The following CD68 variants were observed in gnomAD, a reference collection of about 807,000 sequenced individuals.
CD68 encodes the protein CD68 molecule, also known as macrosialin.
A neutral mutation model predicts 31.3 loss-of-function variants in CD68; 24 were observed. That is an observed-to-expected ratio of 0.77 (90% CI 0.55 to 1.08). The LOEUF is 1.08. Ranked by LOEUF, CD68 falls within the 50% of genes least tolerant of loss-of-function variation. The pLI, the probability that CD68 is intolerant of heterozygous loss-of-function variation, is 0.00. For missense variants in CD68, 461 were observed against 442.5 expected (o/e 1.04, Z -0.38); for synonymous variants, 190 against 179.6 (o/e 1.06, Z -0.46).
Position 7,580,623 on chromosome 17 carries a change from TC to T in CD68, c.687+41del. On this transcript the variant is annotated intron_variant, in intron 3 of 5. Transcript: ENST00000250092. This position sits in a 1 kb window ranked among gnomAD's most constrained non-coding sequence, Gnocchi z 4.3. Reference sequence around the variant, plus strand: ...CCTCAGTCTCACCCCTCACTCAGCCTCCCGGCGCCCCTCCCCTCCCAATCCC... The same window carrying T: ...CCTCAGTCTCACCCCTCACTCAGCCTCCGGCGCCCCTCCCCTCCCAATCCC... 6.2e-7 allele frequency: 1 copy of T among 1,613,610 alleles called. No individual in the cohort carries two copies.
rs2071468432 is a variant in CD68, at chr17:7,580,390, AGAAG to A, written c.567+68_568-68del. On this transcript the variant is annotated intron_variant, in intron 2 of 5. Transcript: ENST00000250092. This position sits in a 1 kb window ranked among gnomAD's most constrained non-coding sequence, Gnocchi z 4.3. ...AGGACTGGATATAGGCTCAGAGGGA[AGAAG>A]GAAGAGGGGACAGGGAACCTTGGCC... 1 of 1,609,832 alleles carries A rather than the reference AGAAG, an allele frequency of 6.2e-7. No individual in the cohort carries two copies. Among genetic ancestry groups the A allele is most frequent in the Non-Finnish European group, 8.5e-7 (1 of 1,177,058 alleles).
rs2071488484 is a variant in CD68, at chr17:7,581,783, G to A, written c.*272G>A. On this transcript the variant is annotated 3_prime_UTR_variant, in exon 6 of 6. Coordinates refer to ENST00000250092, the MANE Select transcript of CD68 (RefSeq NM_001251.3). ...CTAAAAATACAATTAGCCAGGTGTG[G>A]CGGCGTAATCCCAGCTGGCCTGTAA... is the stretch of plus-strand genomic sequence containing the variant. The A allele has an allele frequency of 2.7e-6, 1 of 373,400 alleles. No homozygotes were observed. The highest frequency in any genetic ancestry group is 5.1e-6 in the Non-Finnish European group (1 of 195,282). 23.1% of individuals were successfully genotyped at this position (373,400 alleles called of 1,614,324 possible).
intron 5 of CD68, 97 bp downstream of exon 5, chr17:7,581,163 C>A (rs1597856248): frequency 8.1e-7 from 1 of 1,241,998 alleles, no homozygotes; most frequent in East Asian, 2.3e-5. Flanking sequence ...TCTTAACCCC[C>A]CAAATCTCGC....
At position 7,580,073 on chromosome 17, in the gene CD68, T is replaced by A; in HGVS notation, c.313T>A (p.Ser105Thr). The A allele has an allele frequency of 1.9e-6, 3 of 1,613,334 alleles. No homozygotes were observed. The highest frequency in any genetic ancestry group is 2.5e-6 in the Non-Finnish European group (3 of 1,179,810). The change falls in exon 2 of 6, where the codon TCA becomes ACA. Residue 105 changes from serine to threonine, a missense_variant. Ser to Thr is a moderately conservative substitution (Grantham distance 58). Transcript: ENST00000250092. The surrounding 1 kb of genome is among the most constrained non-coding windows in gnomAD (Gnocchi z 4.3). ...TAGCACTGCCACCAGCCAGGGACCC[T>A]CAACTGCCACTCACAGTCCTGCCAC... ...SNSTATSQGP[S>T]TATHSPATTS...
chr17:7,580,026 T>G lies in CD68; in HGVS notation c.266T>G (p.Val89Gly). The stretch of plus-strand genomic sequence containing the variant: ...CCCACCACCACCAGCCATGGAAACG[T>G]CACAGTTCATCCAACAAGCAATAGC... Reference protein sequence around the residue: ...HNPTTTSHGNVTVHPTSNSTA... With the variant: ...HNPTTTSHGNGTVHPTSNSTA... The change falls in exon 2 of 6, where the codon GTC becomes GGC. Residue 89 changes from valine to glycine, a missense_variant. By Grantham distance (109) the Val-to-Gly change is moderately radical (BLOSUM62 -3). Transcript: ENST00000250092. This position sits in a 1 kb window ranked among gnomAD's most constrained non-coding sequence, Gnocchi z 4.3. The G allele has an allele frequency of 6.2e-7, 1 of 1,613,070 alleles. No individual in the cohort carries two copies. Among genetic ancestry groups the G allele is most frequent in the Non-Finnish European group, 8.5e-7 (1 of 1,179,694 alleles).
chr17:7,580,450 T>C lies in CD68; in HGVS notation c.568-16T>C. The C allele has an allele frequency of 6.2e-7, 1 of 1,613,830 alleles. No homozygotes were observed. The highest frequency in any genetic ancestry group is 1.3e-5 in the African/African-American group (1 of 74,968). ...CGCATGCAGTCTTGTGACCTTCCAG[T>C]CTTTAACTTCCGCAGGCCTGGGGCA... On this transcript the variant is annotated splice_polypyrimidine_tract_variant and intron_variant, in intron 2 of 5. Transcript: ENST00000250092. The surrounding 1 kb of genome is among the most constrained non-coding windows in gnomAD (Gnocchi z 4.3).
Position 7,580,181 on chromosome 17 carries a change from G to A in CD68, c.421G>A (p.Glu141Lys). 6.2e-7 allele frequency: 1 copy of A among 1,614,090 alleles called. No individual in the cohort carries two copies. The highest frequency in any genetic ancestry group is 8.5e-7 in the Non-Finnish European group (1 of 1,180,006). ...SPGFTSSAHP[E>K]PPPPSPSPSP... ...AGGATTCACCAGTTCTGCCCACCCA[G>A]AACCACCTCCACCCTCTCCGAGTCC... Residue 141 changes from glutamate (E) to lysine (K), a missense_variant, in exon 2 of 6, where the codon GAA becomes AAA. Transcript: ENST00000250092. The surrounding 1 kb of genome is among the most constrained non-coding windows in gnomAD (Gnocchi z 4.3).
Position 7,579,902 on chromosome 17 carries a change from A to G in CD68, c.142A>G (p.Thr48Ala). The change falls in exon 2 of 6, where the codon ACA becomes GCA. Residue 48 changes from threonine to alanine, a missense_variant. Physicochemically the swap from Thr to Ala is moderately conservative, Grantham distance 58 (BLOSUM62 0). Transcript: ENST00000250092. ...ACCCACGGTTACAGAGAGCACTGGA[A>G]CAACCAGCCACAGGACTACCAAGAG... is the stretch of plus-strand genomic sequence containing the variant. ...VTPTVTESTG[T>A]TSHRTTKSHK... 6.2e-7 allele frequency: 1 copy of G among 1,613,986 alleles called. No homozygotes were observed. Among genetic ancestry groups the G allele is most frequent in the Admixed American group, 1.7e-5 (1 of 59,998 alleles).
intron 5 of CD68, 68 bp downstream of exon 5, chr17:7,581,134 A>G (rs982018351): frequency 1.5e-5 from 21 of 1,400,844 alleles, no homozygotes; most frequent in Non-Finnish European, 1.8e-5. Context: ...CCCCAGGCCC[A>G]TAAGCCACTC....
rs773716363 is a variant in CD68 at position 7,581,405 on chromosome 17, T to A, written c.959T>A (p.Ile320Asn). The stretch of plus-strand genomic sequence containing the variant: ...TTCTCCTGCCCCAGTGACCGGTCCA[T>A]CTTGCTGCCTCTCATCATCGGCCTG... ...QSFSCPSDRS[I>N]LLPLIIGLIL... The change falls in exon 6 of 6, where the codon ATC becomes AAC. Residue 320 changes from isoleucine to asparagine, a missense_variant. By Grantham distance (149) the Ile-to-Asn change is moderately radical (BLOSUM62 -3). Transcript: ENST00000250092. The A allele has an allele frequency of 3.7e-6, 6 of 1,614,136 alleles. No individual in the cohort carries two copies. In the South Asian group the frequency reaches 6.6e-5, roughly 18 times the overall value.
In CD68 at chr17:7,580,300, C is replaced by T; in HGVS notation, c.540C>T (p.Val180=). ...VHLQAQIQIR[V]MYTTQGGGEA... ...TCCAAGCCCAGATTCAGATTCGAGT[C>T]ATGTACACAACCCAGGGTGGAGGAG... Residue 180 remains valine, a synonymous_variant, in exon 2 of 6, where the codon GTC becomes GTT. Coordinates refer to ENST00000250092, the MANE Select transcript of CD68 (RefSeq NM_001251.3). This position sits in a 1 kb window ranked among gnomAD's most constrained non-coding sequence, Gnocchi z 4.3. 1.2e-6 allele frequency: 2 copies of T among 1,613,818 alleles called. No homozygotes were observed. The highest frequency in any genetic ancestry group is 1.7e-6 in the Non-Finnish European group (2 of 1,179,912).
In CD68 at chr17:7,580,535, C is replaced by T; in HGVS notation, c.637C>T (p.His213Tyr). ...GGGAAGCTGTGAGGGTGCCCATCCCCACCTGCTTCTCTCATTCCCCTATGG... is the reference window on the plus strand; with the variant it reads ...GGGAAGCTGTGAGGGTGCCCATCCCTACCTGCTTCTCTCATTCCCCTATGG... ...VQGSCEGAHP[H>Y]LLLSFPYGHL... Residue 213 changes from histidine to tyrosine, a missense_variant, in exon 3 of 6, where the codon CAC becomes TAC. By Grantham distance (83) the His-to-Tyr change is moderately conservative (BLOSUM62 2). Coordinates refer to ENST00000250092, the MANE Select transcript of CD68 (RefSeq NM_001251.3). This position sits in a 1 kb window ranked among gnomAD's most constrained non-coding sequence, Gnocchi z 4.3. 6.2e-7 allele frequency: 1 copy of T among 1,614,046 alleles called. No individual in the cohort carries two copies. Among genetic ancestry groups the T allele is most frequent in the Non-Finnish European group, 8.5e-7 (1 of 1,180,004 alleles).
chr17:7,580,921 A>C lies in CD68; in HGVS notation c.786A>C (p.Ala262=), dbSNP rs1445992042. 1.9e-6 allele frequency: 3 copies of C among 1,613,716 alleles called. No individual in the cohort carries two copies. The African/African-American group carries it at 4.0e-5, about 22-fold the overall frequency. ...AGTGGACATTCTCGGCTCAGAATGC[A>C]TCCCTTCGAGATCTCCAAGCACCCC... is the stretch of plus-strand genomic sequence containing the variant. ...AAQWTFSAQN[A]SLRDLQAPLG... is the part of the protein sequence containing the mutation. The change falls in exon 5 of 6, where the codon GCA becomes GCC. Residue 262 remains alanine (A), a synonymous_variant. Transcript: ENST00000250092. The surrounding 1 kb of genome is among the most constrained non-coding windows in gnomAD (Gnocchi z 4.3).
In CD68 at chr17:7,581,048, A is replaced by AC; in HGVS notation, c.914dup (p.Gly306ArgfsTer12). On this transcript the variant is annotated frameshift_variant, in exon 5 of 6. Coordinates refer to ENST00000250092, the MANE Select transcript of CD68 (RefSeq NM_001251.3). LOFTEE classifies it high-confidence loss of function. ...GCTCCAGGCTGCTCAGCTGCCCCAC[A>AC]CAGGGGTCTTTGGGCAAAGTAAGAC... 1 of 1,613,850 alleles carries AC rather than the reference A, an allele frequency of 6.2e-7. No homozygotes were observed. Among genetic ancestry groups the AC allele is most frequent in the South Asian group, 1.1e-5 (1 of 91,064 alleles).
rs138992517 is a variant in CD68, at chr17:7,580,722, G to C, written c.699G>C (p.Gln233His). The C allele has an allele frequency of 3.7e-6, 6 of 1,613,922 alleles. No individual in the cohort carries two copies. In the South Asian group the frequency reaches 6.6e-5, roughly 18 times the overall value. ...LSFGFMQDLQ[Q>H]KVVYLSYMAV... The stretch of plus-strand genomic sequence containing the variant: ...TCTTCGCCCCACAGGACCTCCAGCA[G>C]AAGGTTGTCTACCTGAGCTACATGG... The change falls in exon 4 of 6, where the codon CAG (glutamine) becomes CAC (histidine). Residue 233 changes from glutamine (Q) to histidine (H), a missense_variant. Transcript: ENST00000250092. This position sits in a 1 kb window ranked among gnomAD's most constrained non-coding sequence, Gnocchi z 4.3.
rs745993514 is a variant in CD68 at position 7,581,075 on chromosome 17, T to C, written c.931+9T>C. ...AGGGGTCTTTGGGCAAAGTAAGACC[T>C]ACCTACTCCTTCCCTCCTAGAATCC... is the stretch of plus-strand genomic sequence containing the variant. On this transcript the variant is annotated intron_variant, in intron 5 of 5. Coordinates refer to ENST00000250092, the MANE Select transcript of CD68 (RefSeq NM_001251.3). The C allele has an allele frequency of 1.4e-5, 23 of 1,609,264 alleles. No individual in the cohort carries two copies. Among genetic ancestry groups the C allele is most frequent in the Non-Finnish European group, 2.0e-5 (23 of 1,176,594 alleles).
Position 7,580,697 on chromosome 17 carries a change from T to C in CD68, c.688-14T>C, listed in dbSNP as rs183933038. On this transcript the variant is annotated splice_polypyrimidine_tract_variant and intron_variant, in intron 3 of 5. Transcript: ENST00000250092. The surrounding 1 kb of genome is among the most constrained non-coding windows in gnomAD (Gnocchi z 4.3). Reference sequence around the variant, plus strand: ...GAGAGGGATACCACCTGCGCCTTCCTCTTCGCCCCACAGGACCTCCAGCAG... The same window carrying C: ...GAGAGGGATACCACCTGCGCCTTCCCCTTCGCCCCACAGGACCTCCAGCAG... The C allele has an allele frequency of 1.9e-6, 3 of 1,613,984 alleles. No homozygotes were observed. The East Asian group carries it at 6.7e-5, about 36-fold the overall frequency.
At position 7,580,421 on chromosome 17, in the gene CD68, G is replaced by C. The variant is rs2071468982; in HGVS notation, c.568-45G>C. On this transcript the variant is annotated intron_variant, in intron 2 of 5. Transcript: ENST00000250092. This position sits in a 1 kb window ranked among gnomAD's most constrained non-coding sequence, Gnocchi z 4.3. ...AAGAGGGGACAGGGAACCTTGGCCG[G>C]CATCGCATGCAGTCTTGTGACCTTC... 6.2e-7 allele frequency: 1 copy of C among 1,611,632 alleles called. No individual in the cohort carries two copies. Among genetic ancestry groups the C allele is most frequent in the Admixed American group, 1.7e-5 (1 of 59,904 alleles).
chr17:7,580,157 G>A lies in CD68; in HGVS notation c.397G>A (p.Gly133Arg), dbSNP rs1326052645. ...PTSNSTATSP[G>R]FTSSAHPEPP... ...AAGCAACAGCACTGCCACCAGCCCA[G>A]GATTCACCAGTTCTGCCCACCCAGA... Residue 133 changes from glycine (G) to arginine (R), a missense_variant, in exon 2 of 6, where the codon GGA becomes AGA. Physicochemically the swap from Gly to Arg is moderately radical, Grantham distance 125. Transcript: ENST00000250092. This position sits in a 1 kb window ranked among gnomAD's most constrained non-coding sequence, Gnocchi z 4.3. 1 of 1,614,102 alleles carries A rather than the reference G, an allele frequency of 6.2e-7. No individual in the cohort carries two copies. Among genetic ancestry groups the A allele is most frequent in the Non-Finnish European group, 8.5e-7 (1 of 1,180,006 alleles).
Sources: allele counts gnomAD v4.1 joint callset, GRCh38; gene constraint gnomAD v4.1.1; non-coding constraint Gnocchi (gnomAD v3.1); transcripts MANE v1.5; gene names NCBI Gene and HGNC (gene_info 2026-07-23, HGNC 2026-07-21).